The following PTPRG variants were observed in gnomAD, a reference collection of about 807,000 sequenced individuals.
PTPRG encodes the protein receptor-type tyrosine-protein phosphatase gamma.
In PTPRG, 102 loss-of-function variants were observed where a neutral mutation model predicts 165.3. The observed-to-expected ratio is 0.62, with a 90% CI of 0.53 to 0.73. The LOEUF (loss-of-function observed/expected upper bound fraction) is 0.73, where lower values mean the gene tolerates loss of function less well. Ranked by LOEUF, PTPRG falls within the 30% of genes least tolerant of loss-of-function variation. The probability of loss-of-function intolerance (pLI) is 0.00; values close to 1 mark genes in which losing one functional copy is unlikely to be tolerated. For missense variants in PTPRG, 1,866 were observed against 1,861.4 expected, an observed-to-expected ratio of 1.00 and a Z score of -0.05; for synonymous variants, 675 against 669.5, an observed-to-expected ratio of 1.01 and a Z score of -0.13.
intron 4 of PTPRG, among the ~76,000 whole-genome samples, chr3:62,043,117 G>C (rs1267972020): frequency 6.6e-6 from 1 of 152,122 alleles, no homozygotes; most frequent in Non-Finnish European, 1.5e-5. Flanking sequence ...ACAGACAGAA[G>C]GCATGAGAAA....
At chr3:61,752,223 G>T (rs1247685449) in intron 2 of PTPRG, among the ~76,000 whole-genome samples, 2 of 152,098 alleles carry the variant, frequency 1.3e-5, no homozygotes, top group African/African-American at 4.8e-5. Context: ...TGGGATTTGG[G>T]CATGAGGGTT....
At chr3:61,751,264 A>G (rs1025909106) in intron 2 of PTPRG, among the ~76,000 whole-genome samples, 1 of 152,182 alleles carries the variant, frequency 6.6e-6, no homozygotes, top group African/African-American at 2.4e-5. Context: ...TACTTTGGGT[A>G]CATCAGACCA....
At chr3:62,129,934 G>A (rs1042229514) in intron 5 of PTPRG, among the ~76,000 whole-genome samples, 8 of 152,278 alleles carry the variant, frequency 5.3e-5, no homozygotes, top group Middle Eastern at 3.4e-3. Flanking sequence ...AAGACAAACC[G>A]TAAGCCAGAT....
At chr3:62,177,680 C>G (rs1258805867) in intron 8 of PTPRG, among the ~76,000 whole-genome samples, 3 of 152,152 alleles carry the variant, frequency 2.0e-5, no homozygotes, top group Non-Finnish European at 4.4e-5. Context: ...AGCAGCCATT[C>G]TGCAGTCCCA....
At chr3:61,629,448 C>T (rs1385128586) in intron 1 of PTPRG, among the ~76,000 whole-genome samples, 4 of 152,196 alleles carry the variant, frequency 2.6e-5, no homozygotes, top group African/African-American at 9.7e-5. Context: ...GCCACTGTAC[C>T]CGGCCCCTGA....
chr3:62,078,705 A>C (rs1210381683), intron 5 of PTPRG, among the ~76,000 whole-genome samples: 1 of 152,142 alleles, frequency 6.6e-6, no homozygotes, highest in Non-Finnish European at 1.5e-5. Flanking sequence ...ATAGTAACTA[A>C]AGTTTTTGTT....
At chr3:61,975,430 T>C (rs1277784640) in intron 2 of PTPRG, among the ~76,000 whole-genome samples, 5 of 152,218 alleles carry the variant, frequency 3.3e-5, no homozygotes, top group African/African-American at 1.2e-4. Context: ...CAAAACAGTT[T>C]CCTTGACCTC....
chr3:61,802,024 CA>C (rs112361163), intron 2 of PTPRG, among the ~76,000 whole-genome samples: 1,791 of 112,744 alleles, frequency 0.016, 23 homozygotes, highest in African/African-American at 0.048. Flanking sequence ...GACTCCATCT[CA>C]AAAAAAAAAA....
chr3:61,923,547 A>T (rs1009176210), intron 2 of PTPRG, among the ~76,000 whole-genome samples: 18 of 148,522 alleles, frequency 1.2e-4, no homozygotes, highest in East Asian at 8.1e-4. Context: ...CCTAATGCCA[A>T]CCCTTCCCCT....
intron 4 of PTPRG, among the ~76,000 whole-genome samples, chr3:62,054,918 C>T (rs1312927781): frequency 1.3e-5 from 2 of 152,192 alleles, no homozygotes; most frequent in Non-Finnish European, 2.9e-5. Flanking sequence ...AAAAAGTAGA[C>T]ACCACTTCCA....
chr3:61,829,435 A>G (rs558362287), intron 2 of PTPRG, among the ~76,000 whole-genome samples: 27 of 152,330 alleles, frequency 1.8e-4, no homozygotes, highest in Admixed American at 7.8e-4. Flanking sequence ...GCTGGGGGCC[A>G]TTTATCATGC....
intron 4 of PTPRG, among the ~76,000 whole-genome samples, chr3:62,059,799 C>A (rs888917370): frequency 6.6e-6 from 1 of 152,174 alleles, no homozygotes; most frequent in African/African-American, 2.4e-5. Flanking sequence ...CTGCTGTTCT[C>A]ATGATAGTGA....
chr3:61,778,586 C>A (rs944188767), intron 2 of PTPRG, among the ~76,000 whole-genome samples: 1 of 152,056 alleles, frequency 6.6e-6, no homozygotes, highest in Non-Finnish European at 1.5e-5. Flanking sequence ...CTTAGGTTCC[C>A]TGCCCCCAGA....
At chr3:62,191,049 A>AGTTCTGTGTGTGTGCGCATGTGCATCTGT (rs1699798597) in intron 8 of PTPRG, among the ~76,000 whole-genome samples, 7 of 152,144 alleles carry the variant, frequency 4.6e-5, no homozygotes, top group Non-Finnish European at 1.0e-4. Context: ...GCAGAAAAAC[A>AGTTCTGTGTGTGTGCGCATGTGCATCTGT]GTTCTGTGTG....
chr3:61,992,407 G>A (rs1036401073), intron 3 of PTPRG, among the ~76,000 whole-genome samples: 6 of 152,112 alleles, frequency 3.9e-5, no homozygotes, highest in African/African-American at 1.2e-4. Flanking sequence ...TGCCCGGGCT[G>A]GAGTTCAGTT....
At chr3:61,798,716 T>C (rs2035138195) in intron 2 of PTPRG, among the ~76,000 whole-genome samples, 1 of 151,844 alleles carries the variant, frequency 6.6e-6, no homozygotes, top group Admixed American at 6.6e-5. Flanking sequence ...TCTTTTCATC[T>C]GTAGCATCTT....
At chr3:62,199,242 C>T (rs922397611) in intron 10 of PTPRG, among the ~76,000 whole-genome samples, 1 of 152,120 alleles carries the variant, frequency 6.6e-6, no homozygotes, top group African/African-American at 2.4e-5. Context: ...GGGTGAGACC[C>T]CTGTTATTTG....
At chr3:62,142,737 C>G (rs895386742) in intron 6 of PTPRG, among the ~76,000 whole-genome samples, 4 of 146,644 alleles carry the variant, frequency 2.7e-5, no homozygotes, top group African/African-American at 9.7e-5. Context: ...AGAGGTAACT[C>G]TGAGAGCAAA....
intron 2 of PTPRG, among the ~76,000 whole-genome samples, chr3:61,876,976 C>G (rs1275341128): frequency 6.7e-6 from 1 of 149,532 alleles, no homozygotes; most frequent in Non-Finnish European, 1.5e-5. Context: ...TTGTGGTTCT[C>G]CCTTTATTCC....
Sources: gnomAD v4.1 joint callset for allele counts (sites outside exome capture counted in the v4.1 genomes callset) on GRCh38, gnomAD v4.1.1 for gene constraint, MANE v1.5 for transcripts, NCBI Gene and HGNC (gene_info 2026-07-23, HGNC 2026-07-21) for gene names.